ATP5F1C: variants seen among roughly 807,000 people sequenced by gnomAD.
ATP5F1C encodes ATP synthase F(1) complex subunit gamma, mitochondrial.
In ATP5F1C, 22 loss-of-function variants were observed where a neutral mutation model predicts 37.4. That is an observed-to-expected ratio of 0.59 (90% CI 0.42 to 0.84). ATP5F1C has a LOEUF of 0.84. Among genes scored for constraint, ATP5F1C ranks in the 40% least tolerant of loss-of-function variants. The pLI is 0.00. For missense variants in ATP5F1C, 286 were observed against 362.4 expected, an observed-to-expected ratio of 0.79 and a Z score of 1.71; for synonymous variants, 121 against 128.0, an observed-to-expected ratio of 0.95 and a Z score of 0.37.
At chr10:7,798,941 A>G in intron 3 of ATP5F1C, 49 bp from the exon 4 acceptor site, 1 of 1,499,020 alleles carries the variant, frequency 6.7e-7, no homozygotes, top group Non-Finnish European at 9.2e-7. Flanking sequence ...GATTTATTGT[A>G]TTTAGTGTAT....
rs565000511 is a variant in ATP5F1C at position 7,799,690 on chromosome 10, A to G, written c.429-82A>G. ...CCAAAAGACCTGATCCATGGTGACA[A>G]TGTTTTCTCCTGCCTGTCCCCTGTG... On this transcript the variant is annotated intron_variant, in intron 4 of 9. Coordinates refer to ENST00000356708, the MANE Select transcript of ATP5F1C (RefSeq NM_001001973.3). The G allele has an allele frequency of 2.0e-5, 31 of 1,519,452 alleles. 1 individual carries two copies. Among genetic ancestry groups the G allele is most frequent in the South Asian group, 6.0e-5 (5 of 82,786 alleles). The allele number at this position is 1,519,452 out of a possible 1,614,324, so 94.1% of individuals were successfully genotyped here.
chr10:7,797,319 TG>T (rs1836260099), intron 3 of ATP5F1C, 141 bp downstream of exon 3: 6 of 1,036,156 alleles, frequency 5.8e-6, no homozygotes, highest in Non-Finnish European at 8.3e-6. Flanking sequence ...TACATCCACT[TG>T]ACACGTAATG....
chr10:7,804,779 A>G (rs571563311), intron 8 of ATP5F1C, among the ~76,000 whole-genome samples: 92 of 152,338 alleles, frequency 6.0e-4, no homozygotes, highest in African/African-American at 2.1e-3. Flanking sequence ...ATGAAATGCC[A>G]TATGTATTCA....
chr10:7,793,185 C>T (rs1276824184), intron 1 of ATP5F1C, among the ~76,000 whole-genome samples: 1 of 152,238 alleles, frequency 6.6e-6, no homozygotes, highest in Non-Finnish European at 1.5e-5. Flanking sequence ...GATCTCTGCT[C>T]ACCACAACCT....
At chr10:7,795,663 A>G (rs1004848731) in intron 1 of ATP5F1C, among the ~76,000 whole-genome samples, 9 of 152,242 alleles carry the variant, frequency 5.9e-5, no homozygotes, top group African/African-American at 2.2e-4. Context: ...ATCAGTTTAT[A>G]TAAACTACTT....
chr10:7,788,374 G>C, intron 1 of ATP5F1C, 111 bp downstream of exon 1: 2 of 1,447,090 alleles, frequency 1.4e-6, no homozygotes, highest in Non-Finnish European at 1.9e-6. Context: ...GCAGGGCCTA[G>C]CTGGGCCCCT....
In ATP5F1C at chr10:7,794,957, C is replaced by G. The variant is rs545775438; in HGVS notation, c.57-1164C>G. 7.9e-5 allele frequency among the ~76,000 whole-genome samples: 12 copies of G among 152,280 alleles called. No individual in the cohort carries two copies. In the South Asian group the frequency reaches 2.1e-3, roughly 26 times the overall value. On this transcript the variant is annotated intron_variant, in intron 1 of 9. Coordinates refer to ENST00000356708, the MANE Select transcript of ATP5F1C (RefSeq NM_001001973.3). ...GCATCTTCATCCAGGTTCTTGAGGT[C>G]TCTCCTGAGGCTGTGGCAGCCTACA...
At chr10:7,802,711 T>G in intron 7 of ATP5F1C, 47 bp from the exon 8 acceptor site, 1 of 1,561,886 alleles carries the variant, frequency 6.4e-7, no homozygotes, top group Non-Finnish European at 8.7e-7. Context: ...CAAGTTATTC[T>G]ACTCTAGTTT....
chr10:7,800,556 A>C (rs771819130), intron 6 of ATP5F1C, among the ~76,000 whole-genome samples: 7 of 145,294 alleles, frequency 4.8e-5, no homozygotes, highest in Non-Finnish European at 8.9e-5. Context: ...GTGCAATGGC[A>C]TGATCTCGGC....
chr10:7,790,138 T>TG (rs1836140271), intron 1 of ATP5F1C, among the ~76,000 whole-genome samples: 1 of 152,252 alleles, frequency 6.6e-6, no homozygotes, highest in Non-Finnish European at 1.5e-5. Context: ...ATTCAGAAAT[T>TG]AAAACCACTC....
At position 7,790,302 on chromosome 10, in the gene ATP5F1C, A is replaced by G. The variant is rs138007352; in HGVS notation, c.56+2039A>G. Among the ~76,000 whole-genome samples the G allele has an allele frequency of 3.9e-3, 596 of 152,392 alleles. 7 individuals are homozygous for G. The highest frequency in any genetic ancestry group is 0.014 in the African/African-American group (577 of 41,598). On this transcript the variant is annotated intron_variant, in intron 1 of 9. Transcript: ENST00000356708. ...TTCAGAGAGGCTACCATGCTAACAT[A>G]AAAACATTAGGCTTACTTAAATTCA...
Position 7,798,977 on chromosome 10 carries a change from G to A in ATP5F1C, c.224-13G>A, listed in dbSNP as rs1486453090. Reference sequence around the variant, plus strand: ...TGCATATAAAAAAATTACTGCTTTTGTTTGTTTTTAAGCTCTGTATGAAAA... The same window carrying A: ...TGCATATAAAAAAATTACTGCTTTTATTTGTTTTTAAGCTCTGTATGAAAA... On this transcript the variant is annotated splice_polypyrimidine_tract_variant and intron_variant, in intron 3 of 9. Transcript: ENST00000356708. 1 of 1,608,532 alleles carries A rather than the reference G, an allele frequency of 6.2e-7. No homozygotes were observed. The highest frequency in any genetic ancestry group is 8.5e-7 in the Non-Finnish European group (1 of 1,178,474).
At chr10:7,803,448 A>C (rs934858002) in intron 8 of ATP5F1C, among the ~76,000 whole-genome samples, 1 of 152,060 alleles carries the variant, frequency 6.6e-6, no homozygotes, top group African/African-American at 2.4e-5. Context: ...ACTTTTAATC[A>C]TCTCTAGTTA....
Position 7,791,232 on chromosome 10 carries a change from G to A in ATP5F1C, c.56+2969G>A, listed in dbSNP as rs560885743. On this transcript the variant is annotated intron_variant, in intron 1 of 9. Coordinates refer to ENST00000356708, the MANE Select transcript of ATP5F1C (RefSeq NM_001001973.3). ...GGAGAATTGCTTGAACCCGGGAGGC[G>A]GAGGTTGCAGTGAGCTGAGATCGTG... is the stretch of plus-strand genomic sequence containing the variant. 4.9e-4 allele frequency among the ~76,000 whole-genome samples: 75 copies of A among 152,100 alleles called. No individual in the cohort carries two copies. In the South Asian group the frequency reaches 6.0e-3, roughly 12 times the overall value.
chr10:7,789,479 G>A (rs996696459), intron 1 of ATP5F1C, among the ~76,000 whole-genome samples: 2 of 151,970 alleles, frequency 1.3e-5, no homozygotes, highest in African/African-American at 4.8e-5. Context: ...AACATTCATG[G>A]GAATTAAAAG....
chr10:7,788,186 C>G lies in ATP5F1C; in HGVS notation c.-22C>G. On this transcript the variant is annotated 5_prime_UTR_variant, in exon 1 of 10. Transcript: ENST00000356708. ...GCGCGCTGAGGCCTGCCTGACCGAC[C>G]TTCAGCAGGGCTGTGGCTACCATGT... 6.2e-7 allele frequency: 1 copy of G among 1,612,642 alleles called. No individual in the cohort carries two copies. The highest frequency in any genetic ancestry group is 8.5e-7 in the Non-Finnish European group (1 of 1,179,854).
Position 7,807,748 on chromosome 10 carries a change from T to C in ATP5F1C, c.*120T>C. 1 of 1,401,256 alleles carries C rather than the reference T, an allele frequency of 7.1e-7. No individual in the cohort carries two copies. Among genetic ancestry groups the C allele is most frequent in the Non-Finnish European group, 9.8e-7 (1 of 1,016,434 alleles). The allele number at this position is 1,401,256 out of a possible 1,614,324, so 86.8% of individuals were successfully genotyped here. A position where few individuals can be genotyped will look rare whatever the true frequency, so the allele number is the denominator to read the frequency against. ...ACTGTTCCTCCATTATTTGAATTAC[T>C]GAAGACAGCAAGATATTTGTAAATT... On this transcript the variant is annotated 3_prime_UTR_variant, in exon 10 of 10. Transcript: ENST00000356708.
chr10:7,795,502 G>GA (rs1043420344), intron 1 of ATP5F1C, among the ~76,000 whole-genome samples: 12 of 151,508 alleles, frequency 7.9e-5, no homozygotes, highest in Non-Finnish European at 1.2e-4. Context: ...TTAAAGACTT[G>GA]AAAAAAAATA....
chr10:7,794,495 GTGT>G (rs938351378), intron 1 of ATP5F1C, among the ~76,000 whole-genome samples: 1 of 64,254 alleles, frequency 1.6e-5, no homozygotes, highest in Non-Finnish European at 3.5e-5. Context: ...GAGATTTTGT[GTGT>G]TGTTTTTTTT....
Sources: gnomAD v4.1 joint callset for allele counts (sites outside exome capture counted in the v4.1 genomes callset) on GRCh38, gnomAD v4.1.1 for gene constraint, MANE v1.5 for transcripts, NCBI Gene and HGNC (gene_info 2026-07-23, HGNC 2026-07-21) for gene names.